The following PPP2R5D variants were observed in gnomAD, a reference collection of about 807,000 sequenced individuals.
PPP2R5D encodes the protein protein phosphatase 2 regulatory subunit B'delta.
In PPP2R5D, 12 loss-of-function variants were observed where a neutral mutation model predicts 79.1. The ratio of observed to expected loss-of-function variants is 0.15; its 90% CI spans 0.10 to 0.25. The LOEUF is 0.25. Ranked by LOEUF, PPP2R5D falls within the 10% of genes least tolerant of loss-of-function variation. The probability of loss-of-function intolerance (pLI) is 1.00; values close to 1 mark genes in which losing one functional copy is unlikely to be tolerated. For missense variants in PPP2R5D, 419 were observed against 760.2 expected (o/e 0.55, Z 5.28); for synonymous variants, 277 against 286.6 (o/e 0.97, Z 0.34).
intron 1 of PPP2R5D, among the ~76,000 whole-genome samples, chr6:42,987,374 T>C (rs1445986892): frequency 5.9e-5 from 9 of 152,182 alleles, no homozygotes; most frequent in Admixed American, 5.9e-4. Context: ...TCTTTTATTT[T>C]CCTGAGTAGG....
Position 43,008,908 on chromosome 6 carries a change from G to A in PPP2R5D, c.1081-149G>A. 1 of 1,240,788 alleles carries A rather than the reference G, an allele frequency of 8.1e-7. No homozygotes were observed. The highest frequency in any genetic ancestry group is 2.4e-5 in the East Asian group (1 of 40,894). 76.9% of individuals were successfully genotyped at this position (1,240,788 alleles called of 1,614,324 possible). A position where few individuals can be genotyped will look rare whatever the true frequency, so the allele number is the denominator to read the frequency against. On this transcript the variant is annotated intron_variant, in intron 10 of 15. Coordinates refer to ENST00000485511, the MANE Select transcript of PPP2R5D (RefSeq NM_006245.4). This position sits in a 1 kb window ranked among gnomAD's most constrained non-coding sequence, Gnocchi z 4.2. ...GGAAGCAAAACCTATATACACCTAG[G>A]AAACAGATCCAAGGCAAAGAAACGG...
intron 2 of PPP2R5D, among the ~76,000 whole-genome samples, chr6:42,989,997 C>A (rs1771147921): frequency 1.3e-5 from 2 of 151,932 alleles, no homozygotes; most frequent in African/African-American, 4.8e-5. Flanking sequence ...GGATCCTGGG[C>A]AAAAGGGGAA....
chr6:42,995,000 T>C (rs1323654578), intron 2 of PPP2R5D, among the ~76,000 whole-genome samples: 1 of 152,064 alleles, frequency 6.6e-6, no homozygotes, highest in African/African-American at 2.4e-5. Flanking sequence ...AAAACCATTT[T>C]TGGCATCTCA....
In PPP2R5D at chr6:43,003,723, T is replaced by A. The variant is rs181427869; in HGVS notation, c.106-2740T>A. 3.9e-5 allele frequency among the ~76,000 whole-genome samples: 6 copies of A among 152,142 alleles called. No homozygotes were observed. In the East Asian group the frequency reaches 5.8e-4, roughly 15 times the overall value. On this transcript the variant is annotated intron_variant, in intron 2 of 15. Coordinates refer to ENST00000485511, the MANE Select transcript of PPP2R5D (RefSeq NM_006245.4). The stretch of plus-strand genomic sequence containing the variant: ...CTAGTTTTGTACTGTATTTTTTTTT[T>A]ATGTATGTATGTATGTATTTATTTA...
At chr6:42,998,371 C>A (rs570576402) in intron 2 of PPP2R5D, among the ~76,000 whole-genome samples, 1 of 151,858 alleles carries the variant, frequency 6.6e-6, no homozygotes, top group Non-Finnish European at 1.5e-5. Flanking sequence ...CTGTGCCCAG[C>A]GTGGGTTTAA....
rs1762132377 is a variant in PPP2R5D, at chr6:43,007,177, A to G, written c.523-19A>G. ...TCTGGAGAAGCCCAGGTGGAGCTCT[A>G]ACTGGCCCTACCCCTCAGTTTTCAG... On this transcript the variant is annotated intron_variant, in intron 4 of 15. Transcript: ENST00000485511. This position sits in a 1 kb window ranked among gnomAD's most constrained non-coding sequence, Gnocchi z 4.5. 1.2e-6 allele frequency: 2 copies of G among 1,614,048 alleles called. No homozygotes were observed. Among genetic ancestry groups the G allele is most frequent in the Admixed American group, 3.3e-5 (2 of 60,012 alleles).
chr6:43,007,356 T>G lies in PPP2R5D; in HGVS notation c.633+50T>G, dbSNP rs199569822. 1 of 1,606,300 alleles carries G rather than the reference T, an allele frequency of 6.2e-7. No individual in the cohort carries two copies. Among genetic ancestry groups the G allele is most frequent in the Non-Finnish European group, 8.5e-7 (1 of 1,172,818 alleles). ...GCCGTGGCTGCAGGGAGTGGGGCACTTGGAGGCCTGCAAGTCCTTGGGAAC... is the reference window on the plus strand; with the variant it reads ...GCCGTGGCTGCAGGGAGTGGGGCACGTGGAGGCCTGCAAGTCCTTGGGAAC... On this transcript the variant is annotated intron_variant, in intron 5 of 15. Transcript: ENST00000485511. This position sits in a 1 kb window ranked among gnomAD's most constrained non-coding sequence, Gnocchi z 4.5.
Position 43,009,420 on chromosome 6 carries a change from C to T in PPP2R5D, c.1350C>T (p.Leu450=), listed in dbSNP as rs765275599. ...ARVLPIMFPA[L]YRNSKSHWNK... is the part of the protein sequence containing the mutation. ...TCCTCCCCATCATGTTCCCTGCACT[C>T]TACAGGAACTCCAAGAGCCACTGGA... Residue 450 remains leucine, a synonymous_variant, in exon 12 of 16, where the codon CTC becomes CTT. Coordinates refer to ENST00000485511, the MANE Select transcript of PPP2R5D (RefSeq NM_006245.4). The surrounding 1 kb of genome is among the most constrained non-coding windows in gnomAD (Gnocchi z 5.6). The T allele has an allele frequency of 5.0e-6, 8 of 1,613,992 alleles. No individual in the cohort carries two copies.
At position 43,010,841 on chromosome 6, in the gene PPP2R5D, T is replaced by C; in HGVS notation, c.1555-40T>C. ...TGGGGCACACAGGCCCCCAAGCCTC[T>C]GAAGTGGCTCTTAACGCTTGTCCAT... On this transcript the variant is annotated intron_variant, in intron 14 of 15. Transcript: ENST00000485511. The surrounding 1 kb of genome is among the most constrained non-coding windows in gnomAD (Gnocchi z 4.7). 1 of 1,604,358 alleles carries C rather than the reference T, an allele frequency of 6.2e-7. No homozygotes were observed. Among genetic ancestry groups the C allele is most frequent in the Non-Finnish European group, 8.5e-7 (1 of 1,171,904 alleles).
chr6:42,997,510 A>T (rs1040109632), intron 2 of PPP2R5D, among the ~76,000 whole-genome samples: 1 of 131,078 alleles, frequency 7.6e-6, no homozygotes. Context: ...TTTTATTTTT[A>T]TTTTATTTTA....
Position 43,006,368 on chromosome 6 carries a change from G to A in PPP2R5D, c.106-95G>A. On this transcript the variant is annotated intron_variant, in intron 2 of 15. Coordinates refer to ENST00000485511, the MANE Select transcript of PPP2R5D (RefSeq NM_006245.4). This position sits in a 1 kb window ranked among gnomAD's most constrained non-coding sequence, Gnocchi z 4.7. ...CAGGAGACAGCTGCTCACTGCCCAG[G>A]CCTGTGCAGGCATAAACAGACTTGG... 1 of 1,513,384 alleles carries A rather than the reference G, an allele frequency of 6.6e-7. No individual in the cohort carries two copies. The highest frequency in any genetic ancestry group is 1.3e-5 in the South Asian group (1 of 76,508). The allele number at this position is 1,513,384 out of a possible 1,614,324, so 93.7% of individuals were successfully genotyped here.
rs986438171 is a variant in PPP2R5D at position 43,007,623 on chromosome 6, C to T, written c.726+117C>T. On this transcript the variant is annotated intron_variant, in intron 6 of 15. Transcript: ENST00000485511. This position sits in a 1 kb window ranked among gnomAD's most constrained non-coding sequence, Gnocchi z 4.5. Reference sequence around the variant, plus strand: ...TATTGGGTTTCATCCATGTCTGGTACGAGGAGGCTATAAAGGGTAAAAAAC... The same window carrying T: ...TATTGGGTTTCATCCATGTCTGGTATGAGGAGGCTATAAAGGGTAAAAAAC... 22 of 1,062,546 alleles carry T rather than the reference C, an allele frequency of 2.1e-5. No individual in the cohort carries two copies. Among genetic ancestry groups the T allele is most frequent in the African/African-American group, 1.3e-4 (8 of 63,150 alleles). The allele number at this position is 1,062,546 out of a possible 1,614,324, so 65.8% of individuals were successfully genotyped here.
intron 1 of PPP2R5D, 135 bp downstream of exon 1, chr6:42,984,839 C>T (rs899925592): frequency 1.5e-5 from 21 of 1,365,856 alleles, no homozygotes; most frequent in East Asian, 2.7e-5. Flanking sequence ...GGCCAGCCCT[C>T]CGCCCCCGCG....
At chr6:42,998,587 GA>G (rs1177433531) in intron 2 of PPP2R5D, among the ~76,000 whole-genome samples, 1 of 152,150 alleles carries the variant, frequency 6.6e-6, no homozygotes, top group African/African-American at 2.4e-5. Flanking sequence ...AGGCAGAAGA[GA>G]TGGCCTCTAT....
chr6:43,011,441 C>G lies in PPP2R5D; in HGVS notation c.*155C>G. On this transcript the variant is annotated 3_prime_UTR_variant, in exon 16 of 16. Coordinates refer to ENST00000485511, the MANE Select transcript of PPP2R5D (RefSeq NM_006245.4). ...ATGTGGGCACTTGAAGCAGGGACAC[C>G]CACAGAATGGTCCCTCTTCTCCCCA... 1 of 1,013,282 alleles carries G rather than the reference C, an allele frequency of 9.9e-7. No homozygotes were observed. The highest frequency in any genetic ancestry group is 1.4e-6 in the Non-Finnish European group (1 of 704,796). The allele number at this position is 1,013,282 out of a possible 1,614,324, so 62.8% of individuals were successfully genotyped here.
At chr6:42,991,149 A>G (rs1252737397) in intron 2 of PPP2R5D, among the ~76,000 whole-genome samples, 1 of 152,078 alleles carries the variant, frequency 6.6e-6, no homozygotes, top group Non-Finnish European at 1.5e-5. Flanking sequence ...CTTCTTTCCT[A>G]CCTCTGTGTA....
chr6:42,992,120 C>T (rs1215691661), intron 2 of PPP2R5D, among the ~76,000 whole-genome samples: 1 of 152,040 alleles, frequency 6.6e-6, no homozygotes, highest in African/African-American at 2.4e-5. Flanking sequence ...AGTGCAGTGG[C>T]GCGATCTTGG....
chr6:43,009,013 C>A lies in PPP2R5D; in HGVS notation c.1081-44C>A. ...TAGGAAAACTTCCTGGTGACCTAGG[C>A]AGGTGCAAAGAATTTTCATCCCCAT... On this transcript the variant is annotated intron_variant, in intron 10 of 15. Coordinates refer to ENST00000485511, the MANE Select transcript of PPP2R5D (RefSeq NM_006245.4). This position sits in a 1 kb window ranked among gnomAD's most constrained non-coding sequence, Gnocchi z 5.6. The A allele has an allele frequency of 6.3e-7, 1 of 1,595,808 alleles. No homozygotes were observed. Among genetic ancestry groups the A allele is most frequent in the Non-Finnish European group, 8.6e-7 (1 of 1,168,512 alleles).
chr6:42,993,360 A>C (rs1771411433), intron 2 of PPP2R5D, among the ~76,000 whole-genome samples: 1 of 151,830 alleles, frequency 6.6e-6, no homozygotes, highest in Non-Finnish European at 1.5e-5. Flanking sequence ...AATCCCAGCT[A>C]CTGGGGAGGC....
Sources: gnomAD v4.1 joint callset for allele counts (sites outside exome capture counted in the v4.1 genomes callset) on GRCh38, gnomAD v4.1.1 for gene constraint, Gnocchi (gnomAD v3.1) non-coding constraint, MANE v1.5 for transcripts, NCBI Gene and HGNC (gene_info 2026-07-23, HGNC 2026-07-21) for gene names.